KCNQ1: variants seen among roughly 807,000 people sequenced by gnomAD.
The protein encoded by KCNQ1 is potassium voltage-gated channel subfamily Q member 1.
In KCNQ1, 49 loss-of-function variants were observed where a neutral mutation model predicts 72.4. The observed-to-expected ratio is 0.68, with a 90% CI of 0.54 to 0.86. KCNQ1 has a LOEUF of 0.86. Ranked by LOEUF, KCNQ1 falls within the 40% of genes least tolerant of loss-of-function variation. The pLI is 0.00. For missense variants in KCNQ1, 790 were observed against 945.1 expected, an observed-to-expected ratio of 0.84 and a Z score of 2.15; for synonymous variants, 450 against 412.6, an observed-to-expected ratio of 1.09 and a Z score of -1.10.
chr11:2,708,091 G>A (rs1199964072), intron 11 of KCNQ1, among the ~76,000 whole-genome samples: 3 of 152,182 alleles, frequency 2.0e-5, no homozygotes, highest in East Asian at 3.9e-4. Flanking sequence ...GGCCAAGATC[G>A]GGGGCACCCA....
rs1331392912 is a variant in KCNQ1, at chr11:2,696,957, T to A, written c.1514+34876T>A. ...GAAATCTGAAATCTCTCTTTAGTTG[T>A]TAAGTTCCTTAATTTTTTTTTTCCA... On this transcript the variant is annotated intron_variant, in intron 11 of 15. Coordinates refer to ENST00000155840, the MANE Select transcript of KCNQ1 (RefSeq NM_000218.3). 1.3e-5 allele frequency: 5 copies of A among 398,494 alleles called. No individual in the cohort carries two copies. In the Admixed American group the frequency reaches 2.2e-4, roughly 18 times the overall value. 24.7% of individuals were successfully genotyped at this position (398,494 alleles called of 1,614,324 possible).
At chr11:2,719,969 G>C in intron 11 of KCNQ1, among the ~76,000 whole-genome samples, 1 of 152,248 alleles carries the variant, frequency 6.6e-6, no homozygotes, top group South Asian at 2.1e-4. Flanking sequence ...CCCAGGGTCT[G>C]ACCCCTTGCA....
intron 2 of KCNQ1, among the ~76,000 whole-genome samples, chr11:2,542,698 G>T (rs1847847771): frequency 6.6e-6 from 1 of 152,196 alleles, no homozygotes; most frequent in Admixed American, 6.5e-5. Flanking sequence ...TGTTGTCAGT[G>T]CAATCATACA....
chr11:2,587,774 A>G, intron 9 of KCNQ1, 82 bp downstream of exon 9: 1 of 1,589,842 alleles, frequency 6.3e-7, no homozygotes, highest in Non-Finnish European at 8.6e-7. Context: ...CGAGGCTGGG[A>G]TCTCACCATG....
chr11:2,846,160 G>A (rs933906506), intron 15 of KCNQ1, among the ~76,000 whole-genome samples: 3 of 152,174 alleles, frequency 2.0e-5, no homozygotes, highest in Non-Finnish European at 1.5e-5. Flanking sequence ...AGGCCCGCCC[G>A]GCGCAGCCTA....
At chr11:2,761,620 C>T (rs1167057258) in intron 11 of KCNQ1, among the ~76,000 whole-genome samples, 1 of 152,228 alleles carries the variant, frequency 6.6e-6, no homozygotes, top group Non-Finnish European at 1.5e-5. Context: ...GCCACTTGGC[C>T]CCATCCCAGG....
At chr11:2,823,938 C>T (rs778930620) in intron 15 of KCNQ1, among the ~76,000 whole-genome samples, 2 of 152,112 alleles carry the variant, frequency 1.3e-5, no homozygotes, top group African/African-American at 2.4e-5. Context: ...ATTGACAAGT[C>T]GAGAAACCAT....
chr11:2,631,330 T>C, intron 10 of KCNQ1: 1 of 398,592 alleles, frequency 2.5e-6, no homozygotes, highest in Non-Finnish European at 4.4e-6. Flanking sequence ...ATCCTCCAGT[T>C]GATGAATTCC....
chr11:2,603,956 G>T lies in KCNQ1; in HGVS notation c.1393+15102G>T, dbSNP rs1412011545. ...TCCGCCCACCTCGGCCTCCTAACCT[G>T]CTGGGACCACAGGCGTGAGCCACTG... On this transcript the variant is annotated intron_variant, in intron 10 of 15. Coordinates refer to ENST00000155840, the MANE Select transcript of KCNQ1 (RefSeq NM_000218.3). This position sits in a 1 kb window ranked among gnomAD's most constrained non-coding sequence, Gnocchi z 4.1. Among the ~76,000 whole-genome samples, 2 of 152,076 alleles carry T rather than the reference G, an allele frequency of 1.3e-5. No individual in the cohort carries two copies. The highest frequency in any genetic ancestry group is 4.8e-5 in the African/African-American group (2 of 41,420).
intron 1 of KCNQ1, among the ~76,000 whole-genome samples, chr11:2,453,071 A>G (rs1846137660): frequency 6.6e-6 from 1 of 152,248 alleles, no homozygotes; most frequent in Non-Finnish European, 1.5e-5. Context: ...GTGTTTGACC[A>G]CATAAGAAAG....
intron 1 of KCNQ1, among the ~76,000 whole-genome samples, chr11:2,489,896 A>T (rs1052550009): frequency 6.6e-6 from 1 of 152,184 alleles, no homozygotes. Flanking sequence ...TGGGCCTTGA[A>T]TGAGATTCTG....
chr11:2,765,573 C>T (rs971068842), intron 11 of KCNQ1, among the ~76,000 whole-genome samples: 37 of 152,186 alleles, frequency 2.4e-4, no homozygotes, highest in African/African-American at 8.9e-4. Context: ...CAGTTACTGA[C>T]GAGGTGTGTT....
Position 2,644,211 on chromosome 11 carries a change from T to G in KCNQ1, c.1394-17750T>G, listed in dbSNP as rs185334325. On this transcript the variant is annotated intron_variant, in intron 10 of 15. Coordinates refer to ENST00000155840, the MANE Select transcript of KCNQ1 (RefSeq NM_000218.3). Reference sequence around the variant, plus strand: ...TAATCTTTTGGTTTGCTCTTCACCTTCTGGGACACTGAAGGTGTCACCTTA... The same window carrying G: ...TAATCTTTTGGTTTGCTCTTCACCTGCTGGGACACTGAAGGTGTCACCTTA... 16 of 398,576 alleles carry G rather than the reference T, an allele frequency of 4.0e-5. 1 individual carries two copies. In the East Asian group the frequency reaches 5.7e-4, roughly 14 times the overall value. 24.7% of individuals were successfully genotyped at this position (398,576 alleles called of 1,614,324 possible).
At chr11:2,582,076 C>T (rs779595466) in intron 6 of KCNQ1, among the ~76,000 whole-genome samples, 3 of 152,322 alleles carry the variant, frequency 2.0e-5, no homozygotes, top group East Asian at 1.9e-4. Context: ...TGTGGCCTGG[C>T]GGCGGTGGCT....
rs1849872105 is a variant in KCNQ1 at position 2,657,589 on chromosome 11, T to C, written c.1394-4372T>C. 2 of 398,610 alleles carry C rather than the reference T, an allele frequency of 5.0e-6. No individual in the cohort carries two copies. Among genetic ancestry groups the C allele is most frequent in the Non-Finnish European group, 8.8e-6 (2 of 226,052 alleles). 24.7% of individuals were successfully genotyped at this position (398,610 alleles called of 1,614,324 possible). On this transcript the variant is annotated intron_variant, in intron 10 of 15. Coordinates refer to ENST00000155840, the MANE Select transcript of KCNQ1 (RefSeq NM_000218.3). The surrounding 1 kb of genome is among the most constrained non-coding windows in gnomAD (Gnocchi z 4.8). ...TAGCATCTTATATAACCATGGTACA[T>C]TGACCAAAACTAAAAAATTAACATT...
At chr11:2,732,671 C>T (rs1210290053) in intron 11 of KCNQ1, among the ~76,000 whole-genome samples, 7 of 152,240 alleles carry the variant, frequency 4.6e-5, no homozygotes, top group Admixed American at 4.6e-4. Flanking sequence ...CAGGAACAAT[C>T]GCCCCAGTGT....
At position 2,541,964 on chromosome 11, in the gene KCNQ1, C is replaced by T. The variant is rs951919037; in HGVS notation, c.477+13946C>T. 1.3e-5 allele frequency among the ~76,000 whole-genome samples: 2 copies of T among 152,170 alleles called. No individual in the cohort carries two copies. Among genetic ancestry groups the T allele is most frequent in the Non-Finnish European group, 2.9e-5 (2 of 68,028 alleles). ...GTGAAAGGCCGGCGCAGAGCTGCACCGTGGGGTCCCCTGGCTTGGGGTGGG... is the reference window on the plus strand; with the variant it reads ...GTGAAAGGCCGGCGCAGAGCTGCACTGTGGGGTCCCCTGGCTTGGGGTGGG... On this transcript the variant is annotated intron_variant, in intron 2 of 15. Transcript: ENST00000155840. The surrounding 1 kb of genome is among the most constrained non-coding windows in gnomAD (Gnocchi z 4.8).
Position 2,690,801 on chromosome 11 carries a change from T to A in KCNQ1, c.1514+28720T>A, listed in dbSNP as rs2133891722. ...GGGGTCAGCAGGAGGGAGGTCCCTG[T>A]CTCCTTGGCTTCCAGCTTCCAGGCT... On this transcript the variant is annotated intron_variant, in intron 11 of 15. Transcript: ENST00000155840. This position sits in a 1 kb window ranked among gnomAD's most constrained non-coding sequence, Gnocchi z 5.1. The A allele has an allele frequency of 2.5e-6, 1 of 398,646 alleles. No homozygotes were observed. The highest frequency in any genetic ancestry group is 4.4e-6 in the Non-Finnish European group (1 of 226,092). The allele number at this position is 398,646 out of a possible 1,614,324, so 24.7% of individuals were successfully genotyped here. A position where few individuals can be genotyped will look rare whatever the true frequency, so the allele number is the denominator to read the frequency against.
At position 2,544,851 on chromosome 11, in the gene KCNQ1, A is replaced by G. The variant is rs974248233; in HGVS notation, c.477+16833A>G. Among the ~76,000 whole-genome samples, 2 of 152,210 alleles carry G rather than the reference A, an allele frequency of 1.3e-5. No homozygotes were observed. The highest frequency in any genetic ancestry group is 2.9e-5 in the Non-Finnish European group (2 of 68,044). On this transcript the variant is annotated intron_variant, in intron 2 of 15. Coordinates refer to ENST00000155840, the MANE Select transcript of KCNQ1 (RefSeq NM_000218.3). This position sits in a 1 kb window ranked among gnomAD's most constrained non-coding sequence, Gnocchi z 4.4. ...GGCGGCTCATCCACTGCAGTGTCCAATACAAGTGAACACTGCTGTGTCCCC... is the reference window on the plus strand; with the variant it reads ...GGCGGCTCATCCACTGCAGTGTCCAGTACAAGTGAACACTGCTGTGTCCCC...
Sources: allele counts gnomAD v4.1 joint callset (sites outside exome capture counted in the v4.1 genomes callset), GRCh38; gene constraint gnomAD v4.1.1; non-coding constraint Gnocchi (gnomAD v3.1); transcripts MANE v1.5; gene names NCBI Gene and HGNC (gene_info 2026-07-23, HGNC 2026-07-21).